Variants in RDX observed in about 807,000 individuals in gnomAD.
RDX encodes the protein deafness, autosomal recessive 24.
RDX carries 32 observed loss-of-function variants against 83.7 expected under a neutral mutation model. The observed-to-expected ratio is 0.38, with a 90% confidence interval of 0.29 to 0.51. RDX has a LOEUF of 0.51. Ranked by LOEUF, RDX falls within the 20% of genes least tolerant of loss-of-function variation. The pLI, the probability that RDX is intolerant of heterozygous loss-of-function variation, is 0.87. For missense variants in RDX, 600 were observed against 689.9 expected (o/e 0.87, Z 1.46); for synonymous variants, 229 against 222.7 (o/e 1.03, Z -0.25).
At chr11:110,188,335 T>TAATAAC (rs869101066) in intron 15 of RDX, among the ~76,000 whole-genome samples, 155 of 149,038 alleles carry the variant, frequency 1.0e-3, no homozygotes, top group African/African-American at 2.6e-3. Context: ...ATAATAATAA[T>TAATAAC]AACAATAATA....
At chr11:110,237,925 T>TCG (rs1434329759) in intron 10 of RDX, 1 of 363,300 alleles carries the variant, frequency 2.8e-6, no homozygotes, top group East Asian at 5.7e-5. Context: ...GCGCTATACC[T>TCG]CGTTTCCAAC....
chr11:110,189,088 C>CATCT (rs2134224696), intron 15 of RDX, among the ~76,000 whole-genome samples: 1 of 151,908 alleles, frequency 6.6e-6, no homozygotes, highest in African/African-American at 2.4e-5. Context: ...AAGACCCATA[C>CATCT]ATCTACTATC....
intron 14 of RDX, among the ~76,000 whole-genome samples, chr11:110,217,924 TATG>T (rs1458287080): frequency 3.9e-5 from 6 of 152,184 alleles, no homozygotes; most frequent in East Asian, 1.9e-4. Flanking sequence ...TTAAATTATT[TATG>T]ATGATGTATT....
chr11:110,287,732 T>G (rs1030041484), intron 1 of RDX, among the ~76,000 whole-genome samples: 1 of 152,168 alleles, frequency 6.6e-6, no homozygotes, highest in African/African-American at 2.4e-5. Flanking sequence ...CTGCCTACAC[T>G]TCCTATCTTC....
At chr11:110,235,948 A>G (rs1308143698) in intron 12 of RDX, 151 bp downstream of exon 12, 2 of 649,086 alleles carry the variant, frequency 3.1e-6, no homozygotes, top group Non-Finnish European at 5.4e-6. Context: ...TACTTGGTTT[A>G]TATCTGTAGA....
intron 3 of RDX, among the ~76,000 whole-genome samples, chr11:110,267,515 A>AACACACAC (rs71053877): frequency 0.017 from 2,294 of 131,406 alleles, 26 homozygotes; most frequent in Non-Finnish European, 0.019. Context: ...TCCGTCTCAA[A>AACACACAC]ACACACACAC....
chr11:110,271,711 A>G (rs184215978), intron 3 of RDX, among the ~76,000 whole-genome samples: 21 of 152,268 alleles, frequency 1.4e-4, no homozygotes, highest in East Asian at 1.9e-4. Flanking sequence ...GAGAAGAAAG[A>G]TAAGATCAGT....
intron 14 of RDX, among the ~76,000 whole-genome samples, chr11:110,212,782 A>G (rs1296137827): frequency 0.044 from 3,751 of 85,970 alleles, no homozygotes; most frequent in Admixed American, 0.053. Flanking sequence ...ACAAAATTCA[A>G]CAACGCTTCA....
At chr11:110,182,324 G>A (rs913948335) in intron 15 of RDX, among the ~76,000 whole-genome samples, 3 of 152,168 alleles carry the variant, frequency 2.0e-5, no homozygotes, top group Non-Finnish European at 4.4e-5. Flanking sequence ...GAATGTGGCC[G>A]GGCATGGTGG....
intron 14 of RDX, among the ~76,000 whole-genome samples, chr11:110,215,587 G>C (rs942147934): frequency 6.6e-6 from 1 of 152,066 alleles, no homozygotes; most frequent in Non-Finnish European, 1.5e-5. Context: ...GGTTTGATCA[G>C]GTCACTACCA....
At position 110,279,698 on chromosome 11, in the gene RDX, TTCTC is replaced by T. The variant is rs774961038; in HGVS notation, c.-10_-7del. 6.5e-7 allele frequency: 1 copy of T among 1,528,240 alleles called. No individual in the cohort carries two copies. Among genetic ancestry groups the T allele is most frequent in the Non-Finnish European group, 9.1e-7 (1 of 1,103,702 alleles). 94.7% of individuals were successfully genotyped at this position (1,528,240 alleles called of 1,614,324 possible). On this transcript the variant is annotated 5_prime_UTR_variant, in exon 2 of 14. Coordinates refer to ENST00000645495, the MANE Select transcript of RDX (RefSeq NM_002906.4). ...ACACTTACTGGTTTCGGCATTTTCT[TTCTC>T]TTTTTGTTACCTTCTTTAAAAATTC... is the stretch of plus-strand genomic sequence containing the variant.
At chr11:110,270,685 G>A (rs906223259) in intron 3 of RDX, among the ~76,000 whole-genome samples, 2 of 152,178 alleles carry the variant, frequency 1.3e-5, no homozygotes, top group East Asian at 3.8e-4. Flanking sequence ...AACTATTGCA[G>A]GCAGTGTGAC....
At chr11:110,208,758 A>T (rs1231752716) in intron 14 of RDX, among the ~76,000 whole-genome samples, 1 of 152,164 alleles carries the variant, frequency 6.6e-6, no homozygotes, top group Non-Finnish European at 1.5e-5. Context: ...GGAGTTCAAG[A>T]CCACCCTGGC....
At chr11:110,283,782 TAAGA>T (rs1860864178) in intron 1 of RDX, among the ~76,000 whole-genome samples, 1 of 151,970 alleles carries the variant, frequency 6.6e-6, no homozygotes, top group Non-Finnish European at 1.5e-5. Context: ...ATAATATGAC[TAAGA>T]AAGATATATA....
In RDX at chr11:110,216,044, G is replaced by A. The variant is rs78905186; in HGVS notation, c.1748+15829C>T. On this transcript the variant is annotated intron_variant, in intron 14 of 15. Coordinates refer to the RDX transcript ENST00000528498. Reference sequence around the variant, plus strand: ...TCTTGAATTTACCTTTGCTTAGCTCGATTCTGGTAGCAATGTTTTTGTCCT... The same window carrying A: ...TCTTGAATTTACCTTTGCTTAGCTCAATTCTGGTAGCAATGTTTTTGTCCT... Among the ~76,000 whole-genome samples the A allele has an allele frequency of 1.4e-3, 218 of 152,238 alleles. 3 individuals are homozygous for A. The East Asian group carries it at 0.02, about 14-fold the overall frequency.
At chr11:110,240,930 C>A (rs1865068812) in intron 10 of RDX, among the ~76,000 whole-genome samples, 2 of 150,284 alleles carry the variant, frequency 1.3e-5, no homozygotes, top group South Asian at 4.2e-4. Context: ...GTGGCGGGCG[C>A]CTGTAACCTC....
chr11:110,225,287 A>G (rs1259226050), downstream of RDX, among the ~76,000 whole-genome samples: 1 of 152,228 alleles, frequency 6.6e-6, no homozygotes, highest in East Asian at 1.9e-4. Flanking sequence ...AAACTACACT[A>G]TATCAAGGGC....
At chr11:110,242,085 A>G (rs2134325385) in intron 10 of RDX, among the ~76,000 whole-genome samples, 1 of 152,284 alleles carries the variant, frequency 6.6e-6, no homozygotes. Context: ...GAAAATAATT[A>G]TGTAGCTGGA....
chr11:110,190,529 C>T (rs1204273146), intron 15 of RDX, among the ~76,000 whole-genome samples: 1 of 152,016 alleles, frequency 6.6e-6, no homozygotes, highest in Non-Finnish European at 1.5e-5. Flanking sequence ...AACATGATAC[C>T]TACAGGAACT....
Sources: gnomAD v4.1 joint callset for allele counts (sites outside exome capture counted in the v4.1 genomes callset) on GRCh38, gnomAD v4.1.1 for gene constraint, MANE v1.5 for transcripts, NCBI Gene and HGNC (gene_info 2026-07-23, HGNC 2026-07-21) for gene names.